ABCA13: variants seen among roughly 807,000 people sequenced by gnomAD.
The protein encoded by ABCA13 is ATP binding cassette subfamily A member 13, also known as ATP-binding cassette sub-family A member 13.
Under a neutral mutation model 478.7 loss-of-function variants are expected in ABCA13, and 476 were observed. The ratio of observed to expected loss-of-function variants is 0.99; its 90% CI spans 0.92 to 1.07. ABCA13 has a LOEUF of 1.07. ABCA13 is among the 50% of genes least tolerant of loss of function. The pLI, the probability that ABCA13 is intolerant of heterozygous loss-of-function variation, is 0.00. For missense variants in ABCA13, 6,060 were observed against 5,910.6 expected (o/e 1.03, Z -0.83); for synonymous variants, 2,252 against 2,158.9 (o/e 1.04, Z -1.20).
chr7:48,408,575 T>A (rs1818573598), intron 39 of ABCA13, among the ~76,000 whole-genome samples: 1 of 152,236 alleles, frequency 6.6e-6, no homozygotes, highest in South Asian at 2.1e-4. Flanking sequence ...ATGCATCTTT[T>A]TTTTAATGTA....
chr7:48,620,075 G>A (rs1354107062), intron 59 of ABCA13, among the ~76,000 whole-genome samples: 1 of 152,196 alleles, frequency 6.6e-6, no homozygotes, highest in Admixed American at 6.5e-5. Context: ...AGAAGTCAAT[G>A]TGGTAGATTA....
rs188439181 is a variant in ABCA13 at position 48,434,155 on chromosome 7, T to C, written c.12565+6284T>C. 2.0e-4 allele frequency among the ~76,000 whole-genome samples: 31 copies of C among 152,134 alleles called. No individual in the cohort carries two copies. The East Asian group carries it at 6.0e-3, about 29-fold the overall frequency. On this transcript the variant is annotated intron_variant, in intron 42 of 61. Transcript: ENST00000435803. ...CAGCCTGAACTAGGGCTCCAGTTCCTCCATATCTTCACCAATGCTTGTTAT... is the reference window on the plus strand; with the variant it reads ...CAGCCTGAACTAGGGCTCCAGTTCCCCCATATCTTCACCAATGCTTGTTAT...
At position 48,309,862 on chromosome 7, in the gene ABCA13, C is replaced by T. The variant is rs117789301; in HGVS notation, c.9322-85C>T. On this transcript the variant is annotated intron_variant, in intron 23 of 61. Coordinates refer to ENST00000435803, the MANE Select transcript of ABCA13 (RefSeq NM_152701.5). The stretch of plus-strand genomic sequence containing the variant: ...TTGGGAAATCCACTCTTGGGCGACT[C>T]CCTGCCGATGAAGCTCCGGTCTGAG... 10,475 of 1,498,266 alleles carry T rather than the reference C, an allele frequency of 7.0e-3. 59 individuals are homozygous for T. The highest frequency in any genetic ancestry group is 0.02 in the Middle Eastern group (107 of 5,334). 92.8% of individuals were successfully genotyped at this position (1,498,266 alleles called of 1,614,324 possible). A position where few individuals can be genotyped will look rare whatever the true frequency, so the allele number is the denominator to read the frequency against.
At chr7:48,638,126 C>T (rs972508371) in intron 59 of ABCA13, among the ~76,000 whole-genome samples, 7 of 152,094 alleles carry the variant, frequency 4.6e-5, no homozygotes, top group African/African-American at 1.4e-4. Context: ...CTCTTAGATG[C>T]GAAGTCAGAG....
intron 23 of ABCA13, among the ~76,000 whole-genome samples, chr7:48,304,800 A>G (rs957882968): frequency 6.6e-6 from 1 of 152,234 alleles, no homozygotes; most frequent in Non-Finnish European, 1.5e-5. Flanking sequence ...AACTGCAGCC[A>G]AATGATGCCT....
chr7:48,606,827 C>T (rs1460348105), intron 58 of ABCA13, among the ~76,000 whole-genome samples: 1 of 152,222 alleles, frequency 6.6e-6, no homozygotes, highest in African/African-American at 2.4e-5. Flanking sequence ...CACCCCTTCC[C>T]CCAGGTGCTC....
intron 3 of ABCA13, among the ~76,000 whole-genome samples, chr7:48,218,389 A>ACCTTTTT: frequency 6.6e-6 from 1 of 152,286 alleles, no homozygotes; most frequent in Admixed American, 6.5e-5. Context: ...CACACTTAAA[A>ACCTTTTT]GGTAAGATTT....
intron 58 of ABCA13, among the ~76,000 whole-genome samples, chr7:48,599,143 T>G (rs552208782): frequency 6.6e-5 from 10 of 152,126 alleles, no homozygotes; most frequent in Non-Finnish European, 1.5e-4. Flanking sequence ...ATTATAAAAT[T>G]TTTCATTATC....
At chr7:48,337,972 C>T (rs2128950057) in intron 28 of ABCA13, among the ~76,000 whole-genome samples, 1 of 152,284 alleles carries the variant, frequency 6.6e-6, no homozygotes, top group East Asian at 1.9e-4. Flanking sequence ...TGAAATCCTC[C>T]TTCAGAGTTT....
intron 48 of ABCA13, among the ~76,000 whole-genome samples, chr7:48,495,117 A>C (rs1292792889): frequency 1.3e-5 from 2 of 152,186 alleles, no homozygotes; most frequent in African/African-American, 4.8e-5. Flanking sequence ...AAAATTTATG[A>C]ATTAGGTATT....
At chr7:48,319,544 A>G (rs942332227) in intron 27 of ABCA13, among the ~76,000 whole-genome samples, 1 of 152,204 alleles carries the variant, frequency 6.6e-6, no homozygotes, top group Non-Finnish European at 1.5e-5. Flanking sequence ...GGAGTGGCCC[A>G]TGCTATAAAT....
At chr7:48,302,225 T>C (rs1800247163) in intron 23 of ABCA13, among the ~76,000 whole-genome samples, 1 of 152,232 alleles carries the variant, frequency 6.6e-6, no homozygotes, top group African/African-American at 2.4e-5. Context: ...ATGGGTTTCC[T>C]CTTCTCCTAC....
At chr7:48,312,177 A>G (rs1801878379) in intron 24 of ABCA13, among the ~76,000 whole-genome samples, 1 of 152,188 alleles carries the variant, frequency 6.6e-6, no homozygotes, top group Admixed American at 6.5e-5. Flanking sequence ...CAGCTAAAAC[A>G]CTAATGAGCA....
At chr7:48,260,503 T>C (rs1029617255) in intron 15 of ABCA13, among the ~76,000 whole-genome samples, 3 of 152,182 alleles carry the variant, frequency 2.0e-5, no homozygotes, top group Non-Finnish European at 4.4e-5. Flanking sequence ...GAGTGCTATG[T>C]CTATGTTAAT....
intron 20 of ABCA13, among the ~76,000 whole-genome samples, chr7:48,291,223 G>A (rs1798487862): frequency 6.6e-6 from 1 of 152,180 alleles, no homozygotes; most frequent in African/African-American, 2.4e-5. Flanking sequence ...GTCTCTTCTG[G>A]TAGAGCAGTC....
chr7:48,541,088 A>G (rs1049063183), intron 55 of ABCA13, among the ~76,000 whole-genome samples: 8 of 152,290 alleles, frequency 5.3e-5, no homozygotes, highest in African/African-American at 1.9e-4. Context: ...ACTTAAAACT[A>G]GCAGTCTCAT....
chr7:48,461,896 A>C (rs1380668479), intron 43 of ABCA13, among the ~76,000 whole-genome samples: 1 of 152,144 alleles, frequency 6.6e-6, no homozygotes, highest in Non-Finnish European at 1.5e-5. Flanking sequence ...ACAAACACTT[A>C]CAAGGCCATA....
intron 43 of ABCA13, among the ~76,000 whole-genome samples, chr7:48,458,735 A>G (rs1454678635): frequency 6.6e-6 from 1 of 152,216 alleles, no homozygotes; most frequent in Admixed American, 6.5e-5. Context: ...TGAAGGGAAC[A>G]GATGACACCC....
At chr7:48,598,868 T>A (rs1790579264) in intron 58 of ABCA13, among the ~76,000 whole-genome samples, 1 of 152,076 alleles carries the variant, frequency 6.6e-6, no homozygotes, top group Admixed American at 6.5e-5. Flanking sequence ...TTGTGTATAG[T>A]ATGAGAAAAG....
Sources: gnomAD v4.1 joint callset for allele counts (sites outside exome capture counted in the v4.1 genomes callset) on GRCh38, gnomAD v4.1.1 for gene constraint, MANE v1.5 for transcripts, NCBI Gene and HGNC (gene_info 2026-07-23, HGNC 2026-07-21) for gene names.